The following OCRL variants were observed in gnomAD, a reference collection of about 807,000 sequenced individuals.
OCRL encodes OCRL inositol polyphosphate-5-phosphatase.
OCRL carries 8 observed loss-of-function variants against 78.9 expected under a neutral mutation model. That is an observed-to-expected ratio of 0.10 (90% CI 0.06 to 0.18). The LOEUF (loss-of-function observed/expected upper bound fraction) is 0.18, where lower values mean the gene tolerates loss of function less well. OCRL is among the 10% of genes least tolerant of loss of function. OCRL has a pLI of 1.00. For missense variants in OCRL, 454 were observed against 696.7 expected, an observed-to-expected ratio of 0.65 and a Z score of 3.92; for synonymous variants, 240 against 235.4, an observed-to-expected ratio of 1.02 and a Z score of -0.18.
At position 129,580,178 on chromosome X, in the gene OCRL, A is replaced by G. The variant is rs185593227; in HGVS notation, c.2115+3626A>G. Among the ~76,000 whole-genome samples the G allele has an allele frequency of 9.8e-4, 110 of 112,736 alleles. 1 individual carries two copies. The highest frequency in any genetic ancestry group is 4.0e-3 in the Admixed American group (43 of 10,640). On this transcript the variant is annotated intron_variant, in intron 18 of 23. Transcript: ENST00000371113. ...TTAGCACATAAGAATAAAGTGAACT[A>G]GGAAGGTGATTTGGAGTTAGTTATA...
intron 1 of OCRL, 86 bp from the exon 2 acceptor site, chrX:129,540,658 G>A (rs1189731567): frequency 1.3e-6 from 1 of 791,460 alleles, no homozygotes; most frequent in Non-Finnish European, 1.9e-6. Flanking sequence ...CGGCGGTGGG[G>A]GGGGGGTGGA....
intron 6 of OCRL, among the ~76,000 whole-genome samples, 169 bp from the exon 7 acceptor site, chrX:129,558,464 G>A (rs1313149831): frequency 1.8e-5 from 2 of 111,697 alleles, no homozygotes; most frequent in Non-Finnish European, 3.8e-5. Context: ...AGTGCTTCAG[G>A]GATAGGTATG....
At chrX:129,576,202 C>G in intron 17 of OCRL, 115 bp from the exon 18 acceptor site, 9 of 900,720 alleles carry the variant, frequency 1.0e-5, no homozygotes, top group Non-Finnish European at 1.5e-5. Flanking sequence ...CCTGTCTCTT[C>G]CCCCTCATTG....
At chrX:129,582,686 TA>T (rs1040360979) in intron 18 of OCRL, among the ~76,000 whole-genome samples, 2 of 112,178 alleles carry the variant, frequency 1.8e-5, no homozygotes, top group Admixed American at 9.5e-5. Context: ...ATATGTACCT[TA>T]TAAAGACTAT....
intron 4 of OCRL, among the ~76,000 whole-genome samples, chrX:129,550,757 A>G (rs1222200929): frequency 9.0e-6 from 1 of 111,041 alleles, no homozygotes; most frequent in Non-Finnish European, 1.9e-5. Context: ...GCTAACCTTA[A>G]TATCTATAAA....
At chrX:129,548,492 C>A in intron 3 of OCRL, 71 bp from the exon 4 acceptor site, 1 of 771,936 alleles carries the variant, frequency 1.3e-6, no homozygotes, top group Admixed American at 2.2e-5. Flanking sequence ...TTTAGTTAGG[C>A]ATGTATTCTT....
chrX:129,583,061 G>A (rs1262831421), intron 18 of OCRL, among the ~76,000 whole-genome samples: 1 of 111,871 alleles, frequency 8.9e-6, no homozygotes, highest in Admixed American at 9.5e-5. Context: ...CCTTCTGCTG[G>A]CATACTGCCC....
At chrX:129,586,423 A>G (rs1037530583) in intron 19 of OCRL, among the ~76,000 whole-genome samples, 1 of 112,173 alleles carries the variant, frequency 8.9e-6, no homozygotes, top group Non-Finnish European at 1.9e-5. Flanking sequence ...TAGCACCTTA[A>G]GATTAGAACT....
intron 9 of OCRL, 104 bp downstream of exon 9, chrX:129,560,755 C>T: frequency 1.9e-6 from 1 of 531,003 alleles, no homozygotes; most frequent in South Asian, 2.6e-5. Flanking sequence ...CTACTGTAGA[C>T]TATACACGAG....
chrX:129,571,626 G>T (rs1936304400), intron 15 of OCRL, among the ~76,000 whole-genome samples: 1 of 110,381 alleles, frequency 9.1e-6, no homozygotes, highest in African/African-American at 3.3e-5. Context: ...GCCACCGCTC[G>T]CAGCCAACCT....
At position 129,545,020 on chromosome X, in the gene OCRL, A is replaced by G. The variant is rs1286748036; in HGVS notation, c.182A>G (p.His61Arg). The G allele has an allele frequency of 9.1e-7, 1 of 1,103,987 alleles. No individual in the cohort carries two copies. The highest frequency in any genetic ancestry group is 2.2e-5 in the Admixed American group (1 of 45,981). The allele number at this position is 1,103,987 out of a possible 1,213,427, so 91.0% of individuals were successfully genotyped here. A position where few individuals can be genotyped will look rare whatever the true frequency, so the allele number is the denominator to read the frequency against. ...CAAGATATCATTCCTATAAATAGCCACTTCAGATGTGTTCAAGGTACTAGC... is the reference window on the plus strand; with the variant it reads ...CAAGATATCATTCCTATAAATAGCCGCTTCAGATGTGTTCAAGGTACTAGC... ...HVQDIIPINS[H>R]FRCVQEAEET... Residue 61 changes from histidine to arginine, a missense_variant, in exon 3 of 24, where the codon CAC becomes CGC. Around this residue, in one of 2 missense-constraint regions of OCRL, gnomAD observed 177 missense variants for 179.6 expected, o/e 0.99. Coordinates refer to ENST00000371113, the MANE Select transcript of OCRL (RefSeq NM_000276.4).
chrX:129,577,280 A>G (rs1936381327), intron 18 of OCRL, among the ~76,000 whole-genome samples: 1 of 111,728 alleles, frequency 9.0e-6, no homozygotes, highest in African/African-American at 3.3e-5. Context: ...TAAGAAAGAA[A>G]AGGAGGTTGA....
At chrX:129,574,131 G>A (rs1435613719) in intron 15 of OCRL, among the ~76,000 whole-genome samples, 1 of 111,881 alleles carries the variant, frequency 8.9e-6, no homozygotes, top group Non-Finnish European at 1.9e-5. Context: ...CACAATGGTT[G>A]AACTAATTTA....
intron 2 of OCRL, among the ~76,000 whole-genome samples, chrX:129,541,306 C>A (rs1388409787): frequency 8.9e-6 from 1 of 112,171 alleles, no homozygotes; most frequent in Non-Finnish European, 1.9e-5. Context: ...CAGCTGGTTT[C>A]TCCAGTCTCC....
intron 18 of OCRL, among the ~76,000 whole-genome samples, chrX:129,582,550 CAGAT>C (rs981793610): frequency 4.5e-5 from 5 of 112,280 alleles, no homozygotes; most frequent in Admixed American, 9.4e-5. Flanking sequence ...TAAAATGTGT[CAGAT>C]AGATTCTTCA....
At chrX:129,547,449 T>G (rs6637618) in intron 3 of OCRL, among the ~76,000 whole-genome samples, 4 of 97,456 alleles carry the variant, frequency 4.1e-5, no homozygotes, top group African/African-American at 1.6e-4. Flanking sequence ...GGTGTGAACC[T>G]GGGAGGCGGA....
chrX:129,551,432 GT>G (rs1183531623), intron 4 of OCRL, among the ~76,000 whole-genome samples: 2 of 111,543 alleles, frequency 1.8e-5, no homozygotes, highest in African/African-American at 3.2e-5. Flanking sequence ...GATAATTGTA[GT>G]TTTTTTTGTT....
At chrX:129,571,008 G>C (rs752973218) in intron 15 of OCRL, among the ~76,000 whole-genome samples, 5 of 112,396 alleles carry the variant, frequency 4.4e-5, no homozygotes, top group Middle Eastern at 9.2e-3. Context: ...ATGGAGAACA[G>C]CAAGTTGAAA....
Position 129,569,017 on chromosome X carries a change from G to A in OCRL, c.1467-247G>A, listed in dbSNP as rs142115557. Among the ~76,000 whole-genome samples, 446 of 112,341 alleles carry A rather than the reference G, an allele frequency of 4.0e-3. 3 individuals are homozygous for A. Among genetic ancestry groups the A allele is most frequent in the African/African-American group, 0.014 (418 of 30,920 alleles). ...CCATTCATTCATTAGATAACTATTC[G>A]TTGAGCACCTACTTTGCACCAGATA... On this transcript the variant is annotated intron_variant, in intron 14 of 23. Coordinates refer to ENST00000371113, the MANE Select transcript of OCRL (RefSeq NM_000276.4).
Sources: allele counts gnomAD v4.1 joint callset (sites outside exome capture counted in the v4.1 genomes callset), GRCh38; gene constraint gnomAD v4.1.1; regional missense constraint gnomAD v4.1.1; transcripts MANE v1.5; gene names NCBI Gene and HGNC (gene_info 2026-07-23, HGNC 2026-07-21).